The following DRC10 variants were observed in gnomAD, a reference collection of about 807,000 sequenced individuals.
DRC10 encodes dynein regulatory complex subunit 10, also known as IQ domain-containing protein D.
At chr12:113,204,435 G>A in the DRC10 span, among the ~76,000 whole-genome samples, 1 of 152,246 alleles carries the variant, frequency 6.6e-6, no homozygotes, top group Non-Finnish European at 1.5e-5. Flanking sequence ...AACAGGGGTT[G>A]GCAAACTATG....
At chr12:113,207,358 T>A in the DRC10 span, 2 of 1,179,582 alleles carry the variant, frequency 1.7e-6, no homozygotes, top group Admixed American at 1.7e-5. Context: ...AAAAAAAAAA[T>A]CAATCATTGA....
the DRC10 span, chr12:113,207,872 G>A: frequency 3.1e-6 from 5 of 1,614,010 alleles, no homozygotes; most frequent in Admixed American, 1.7e-5. Context: ...AGGAGGACCT[G>A]GCAGAGATCC....
At chr12:113,216,746 G>GT in the DRC10 span, among the ~76,000 whole-genome samples, 1 of 152,132 alleles carries the variant, frequency 6.6e-6, no homozygotes, top group Non-Finnish European at 1.5e-5. Context: ...AGTGAAATCA[G>GT]TTTGCCAACT....
At chr12:113,196,024 CG>C in the DRC10 span, 1 of 1,335,012 alleles carries the variant, frequency 7.5e-7, no homozygotes, top group Non-Finnish European at 9.9e-7. Flanking sequence ...CAGCATCTCT[CG>C]GTCCCAGTGA....
chr12:113,210,149 A>G, the DRC10 span, among the ~76,000 whole-genome samples: 1 of 152,336 alleles, frequency 6.6e-6, no homozygotes, highest in African/African-American at 2.4e-5. Flanking sequence ...AGATAGATAG[A>G]CAAATAAATA....
the DRC10 span, among the ~76,000 whole-genome samples, chr12:113,201,486 C>T: frequency 6.6e-6 from 1 of 152,200 alleles, no homozygotes; most frequent in Non-Finnish European, 1.5e-5. Flanking sequence ...GATGCTCCTC[C>T]TGGGGACACA....
the DRC10 span, among the ~76,000 whole-genome samples, chr12:113,205,693 T>C: frequency 1.4e-5 from 2 of 147,596 alleles, no homozygotes; most frequent in Admixed American, 1.4e-4. Context: ...ATCGAGACCA[T>C]CCTGGCTAAC....
chr12:113,195,509 C>T, the DRC10 span: 1 of 1,497,580 alleles, frequency 6.7e-7, no homozygotes, highest in Non-Finnish European at 8.9e-7. Context: ...TTAGTGCTCT[C>T]CATCTCGGGC....
the DRC10 span, among the ~76,000 whole-genome samples, chr12:113,217,285 C>T: frequency 5.9e-5 from 9 of 152,172 alleles, no homozygotes; most frequent in South Asian, 1.5e-3. Context: ...CCTGTGGAAA[C>T]TCTCTCACCT....
chr12:113,197,334 GC>G, the DRC10 span, among the ~76,000 whole-genome samples: 1 of 151,920 alleles, frequency 6.6e-6, no homozygotes, highest in Non-Finnish European at 1.5e-5. Flanking sequence ...ACAGCACCTG[GC>G]CTTGCAGCTT....
chr12:113,200,941 C>T, the DRC10 span: 2 of 631,008 alleles, frequency 3.2e-6, no homozygotes, highest in East Asian at 5.6e-5. Flanking sequence ...GAGTTTGAGA[C>T]CAGCCTGGCT....
At chr12:113,212,887 G>A in the DRC10 span, among the ~76,000 whole-genome samples, 2 of 152,046 alleles carry the variant, frequency 1.3e-5, no homozygotes, top group Non-Finnish European at 2.9e-5. Flanking sequence ...TGAGAGTGAA[G>A]CAAATTGTTA....
At chr12:113,213,832 A>C in the DRC10 span, among the ~76,000 whole-genome samples, 1 of 152,048 alleles carries the variant, frequency 6.6e-6, no homozygotes, top group Non-Finnish European at 1.5e-5. Flanking sequence ...GGTGGTGGGC[A>C]CCTGTGGAGG....
At chr12:113,198,667 T>C in the DRC10 span, among the ~76,000 whole-genome samples, 1,689 of 152,270 alleles carry the variant, frequency 0.011, 69 homozygotes, top group East Asian at 0.15. Context: ...TATGGAGTTT[T>C]ATTTTGAGGT....
the DRC10 span, among the ~76,000 whole-genome samples, chr12:113,204,039 G>A: frequency 6.6e-6 from 1 of 152,046 alleles, no homozygotes; most frequent in Non-Finnish European, 1.5e-5. Flanking sequence ...CCAGGAGTTC[G>A]AAACCAGCCT....
At chr12:113,216,909 T>G in the DRC10 span, among the ~76,000 whole-genome samples, 1 of 152,018 alleles carries the variant, frequency 6.6e-6, no homozygotes, top group African/African-American at 2.4e-5. Flanking sequence ...GCTATCATGG[T>G]GAAACCCAGT....
At chr12:113,197,629 T>C in the DRC10 span, 1 of 1,455,816 alleles carries the variant, frequency 6.9e-7, no homozygotes, top group Non-Finnish European at 9.3e-7. Context: ...AAGATCCAAT[T>C]TGTCATTGTT....
chr12:113,214,832 T>A, the DRC10 span, among the ~76,000 whole-genome samples: 1 of 152,194 alleles, frequency 6.6e-6, no homozygotes, highest in Non-Finnish European at 1.5e-5. Flanking sequence ...GTTTTTTTTT[T>A]CTTTCTGTGA....
chr12:113,218,998 G>C, the DRC10 span, among the ~76,000 whole-genome samples: 24 of 152,098 alleles, frequency 1.6e-4, no homozygotes, highest in Non-Finnish European at 2.9e-4. Flanking sequence ...AACTTCCTAA[G>C]AGTGGAATTG....
Sources: gnomAD v4.1 joint callset for allele counts (sites outside exome capture counted in the v4.1 genomes callset) on GRCh38, gnomAD v4.1.1 for gene constraint, MANE v1.5 for transcripts, NCBI Gene and HGNC (gene_info 2026-07-23, HGNC 2026-07-21) for gene names.